Variants in ITGB5 observed in about 807,000 individuals in gnomAD.
ITGB5 encodes integrin subunit beta 5.
Under a neutral mutation model 84.8 loss-of-function variants are expected in ITGB5, and 38 were observed. The ratio of observed to expected loss-of-function variants is 0.45; its 90% CI spans 0.35 to 0.59. ITGB5 has a LOEUF of 0.59. Among genes scored for constraint, ITGB5 ranks in the 20% least tolerant of loss-of-function variants. The pLI, the probability that ITGB5 is intolerant of heterozygous loss-of-function variation, is 0.01. For synonymous variants in ITGB5, 393 were observed against 414.4 expected, an observed-to-expected ratio of 0.95 and a Z score of 0.63; for missense variants, 905 against 1,034.5, an observed-to-expected ratio of 0.87 and a Z score of 1.72.
In ITGB5 at chr3:124,900,327, G is replaced by A. The variant is rs146449975; in HGVS notation, c.-255+939C>T. Among the ~76,000 whole-genome samples, 338 of 152,192 alleles carry A rather than the reference G, an allele frequency of 2.2e-3. 2 individuals are homozygous for A. Among genetic ancestry groups the A allele is most frequent in the African/African-American group, 7.8e-3 (325 of 41,514 alleles). On this transcript the variant is annotated intron_variant, in intron 1 of 4. Transcript: ENST00000608657. The stretch of plus-strand genomic sequence containing the variant: ...AAACAGTACCTACTTCATAATTATC[G>A]TGAGAATTAAAGGGGTTAATATGTG...
intron 14 of ITGB5, 64 bp downstream of exon 14, chr3:124,764,327 C>T (rs769575158): frequency 2.4e-5 from 37 of 1,527,852 alleles, no homozygotes; most frequent in South Asian, 9.6e-5. Flanking sequence ...GCTAACATAC[C>T]GCTGAACTCA....
intron 3 of ITGB5, among the ~76,000 whole-genome samples, chr3:124,849,287 G>C (rs1306589129): frequency 1.3e-5 from 2 of 152,184 alleles, no homozygotes; most frequent in Non-Finnish European, 2.9e-5. Context: ...GAAACAAAAA[G>C]CAGGGAAGAA....
rs2064230797 is a variant in ITGB5, at chr3:124,796,616, A to G, written c.1465T>C (p.Cys489Arg). The G allele has an allele frequency of 1.9e-6, 3 of 1,614,058 alleles. No homozygotes were observed. The highest frequency in any genetic ancestry group is 2.5e-6 in the Non-Finnish European group (3 of 1,180,004). ...CTGGTGCCCAGGTAGCCGGGGCTGC[A>G]CTCACACAGGCCGCAGACATAGGTC... ...SGTYVCGLCE[C>R]SPGYLGTRCE... The change falls in exon 10 of 15, where the codon TGC (cysteine) becomes CGC (arginine). Residue 489 changes from cysteine (C) to arginine (R), a missense_variant. Transcript: ENST00000296181.
At chr3:124,767,018 C>T (rs564965552) in intron 12 of ITGB5, among the ~76,000 whole-genome samples, 1 of 152,374 alleles carries the variant, frequency 6.6e-6, no homozygotes, top group Admixed American at 6.5e-5. Context: ...TGCCCCCTTG[C>T]TGCCATTCCC....
In ITGB5 at chr3:124,836,099, G is replaced by A. The variant is rs76417218; in HGVS notation, c.780+5284C>T. Among the ~76,000 whole-genome samples the A allele has an allele frequency of 4.6e-3, 703 of 152,266 alleles. 5 individuals are homozygous for A. The highest frequency in any genetic ancestry group is 6.5e-3 in the Non-Finnish European group (445 of 68,018). On this transcript the variant is annotated intron_variant, in intron 5 of 14. Transcript: ENST00000296181. ...GCATCTCCCAGATGTGCTCTCTGAG[G>A]CCTGGAGAAGTCAACTGGCTTCCAT...
At chr3:124,872,026 T>C (rs1008321808) in intron 2 of ITGB5, among the ~76,000 whole-genome samples, 1 of 151,452 alleles carries the variant, frequency 6.6e-6, no homozygotes, top group Non-Finnish European at 1.5e-5. Context: ...GAGATGATGG[T>C]AGGAGGAAGG....
intron 2 of ITGB5, among the ~76,000 whole-genome samples, chr3:124,869,268 G>T (rs2065440852): frequency 6.6e-6 from 1 of 152,132 alleles, no homozygotes. Context: ...CTTGCTAAGG[G>T]GTACAGGTTG....
At chr3:124,831,387 T>C (rs1029576660) in intron 5 of ITGB5, among the ~76,000 whole-genome samples, 11 of 152,298 alleles carry the variant, frequency 7.2e-5, no homozygotes, top group Admixed American at 4.6e-4. Flanking sequence ...TGGCTCATGT[T>C]AAGCCTGGGG....
At chr3:124,866,829 C>T (rs1024772390) in intron 2 of ITGB5, among the ~76,000 whole-genome samples, 4 of 152,294 alleles carry the variant, frequency 2.6e-5, no homozygotes, top group Non-Finnish European at 5.9e-5. Context: ...CACACTGCCA[C>T]GTATACTCCC....
At chr3:124,855,399 T>C (rs1228334700) in intron 3 of ITGB5, among the ~76,000 whole-genome samples, 1 of 152,116 alleles carries the variant, frequency 6.6e-6, no homozygotes, top group Non-Finnish European at 1.5e-5. Flanking sequence ...CTGAGGCAAA[T>C]ATGCATTTTG....
At chr3:124,853,351 A>G (rs1295309727) in intron 3 of ITGB5, among the ~76,000 whole-genome samples, 1 of 152,154 alleles carries the variant, frequency 6.6e-6, no homozygotes, top group African/African-American at 2.4e-5. Flanking sequence ...CCAGATCTAG[A>G]ACCAAATTAT....
chr3:124,834,936 C>CTGACTTA, intron 5 of ITGB5, among the ~76,000 whole-genome samples: 2 of 152,124 alleles, frequency 1.3e-5, no homozygotes, highest in African/African-American at 4.8e-5. Context: ...GTGGACATTC[C>CTGACTTA]AAGCAAGAAG....
Position 124,803,356 on chromosome 3 carries a change from A to G in ITGB5, c.1263+5666T>C, listed in dbSNP as rs116503973. ...GCTTGAGGCTTCTGGCACGCTTCTC[A>G]GGCCCCACTTTGAGTCTCAGTTTTT... On this transcript the variant is annotated intron_variant, in intron 9 of 14. Transcript: ENST00000296181. Among the ~76,000 whole-genome samples the G allele has an allele frequency of 9.1e-3, 1,378 of 152,164 alleles. 25 individuals are homozygous for G. Among genetic ancestry groups the G allele is most frequent in the African/African-American group, 0.031 (1,283 of 41,518 alleles).
chr3:124,824,017 T>C (rs910968012), intron 5 of ITGB5, among the ~76,000 whole-genome samples: 3 of 152,210 alleles, frequency 2.0e-5, no homozygotes, highest in African/African-American at 7.2e-5. Flanking sequence ...TCTCTGCAAA[T>C]TGGTTTATAG....
intron 1 of ITGB5, among the ~76,000 whole-genome samples, chr3:124,881,263 TG>T (rs1934553206): frequency 6.6e-6 from 1 of 152,006 alleles, no homozygotes; most frequent in African/African-American, 2.4e-5. Context: ...GGATGATAGG[TG>T]TGAGCCACCC....
At chr3:124,807,524 C>T (rs1356468208) in intron 9 of ITGB5, among the ~76,000 whole-genome samples, 4 of 152,166 alleles carry the variant, frequency 2.6e-5, no homozygotes, top group African/African-American at 7.2e-5. Context: ...TTGGAAACAA[C>T]GTGTCTTAGA....
In ITGB5 at chr3:124,858,133, CAAA is replaced by C. The variant is rs63273260; in HGVS notation, c.361+1106_361+1108del. Reference sequence around the variant, plus strand: ...TGGGTGACAGAGCGATACCCCATCTCAAAAAAAAAAAAAAAAAAGATAGCTACC... The same window carrying C: ...TGGGTGACAGAGCGATACCCCATCTCAAAAAAAAAAAAAAAGATAGCTACC... On this transcript the variant is annotated intron_variant, in intron 3 of 14. Transcript: ENST00000296181. Among the ~76,000 whole-genome samples the C allele has an allele frequency of 6.4e-4, 54 of 83,800 alleles. No individual in the cohort carries two copies. The East Asian group carries it at 8.9e-3, about 14-fold the overall frequency. The allele number at this position is 83,800 out of a possible 152,430, so 55.0% of individuals were successfully genotyped here.
At chr3:124,810,908 T>TTTTC (rs10644920) in intron 8 of ITGB5, among the ~76,000 whole-genome samples, 15,885 of 150,018 alleles carry the variant, frequency 0.11, 1,000 homozygotes, top group Non-Finnish European at 0.14. Flanking sequence ...CTCTTGTGGG[T>TTTTC]TTTCTTTCTT....
chr3:124,873,167 C>T (rs2107639365), intron 2 of ITGB5, among the ~76,000 whole-genome samples: 1 of 152,264 alleles, frequency 6.6e-6, no homozygotes, highest in Non-Finnish European at 1.5e-5. Flanking sequence ...GATCAGAAAA[C>T]TATAGATGAA....
Sources: gnomAD v4.1 joint callset for allele counts (sites outside exome capture counted in the v4.1 genomes callset) on GRCh38, gnomAD v4.1.1 for gene constraint, MANE v1.5 for transcripts, NCBI Gene and HGNC (gene_info 2026-07-23, HGNC 2026-07-21) for gene names.